Variants in SGCZ observed in about 807,000 individuals in gnomAD.
SGCZ encodes sarcoglycan zeta, also known as zeta-sarcoglycan.
In SGCZ, 40 loss-of-function variants were observed where a neutral mutation model predicts 41.3. That is an observed-to-expected ratio of 0.97 (90% CI 0.75 to 1.26). The LOEUF (loss-of-function observed/expected upper bound fraction) is 1.26. Ranked by LOEUF, SGCZ falls within the 50% of genes most tolerant of loss-of-function variation. The pLI is 0.00. For missense variants in SGCZ, 552 were observed against 369.8 expected (o/e 1.49, Z -4.04); for synonymous variants, 206 against 137.5 (o/e 1.50, Z -3.49).
At chr8:14,539,098 C>A (rs773902108) in intron 2 of SGCZ, among the ~76,000 whole-genome samples, 1 of 151,950 alleles carries the variant, frequency 6.6e-6, no homozygotes, top group Non-Finnish European at 1.5e-5. Context: ...CTCATCCAAT[C>A]AGTTAAAGAA....
chr8:14,261,091 G>A (rs1054805224), intron 3 of SGCZ, among the ~76,000 whole-genome samples: 20 of 123,116 alleles, frequency 1.6e-4, no homozygotes, highest in African/African-American at 5.1e-4. Context: ...AAAACTTCAA[G>A]TATAATAAAA....
At chr8:14,559,003 A>T (rs1264100999) in intron 1 of SGCZ, among the ~76,000 whole-genome samples, 1 of 152,134 alleles carries the variant, frequency 6.6e-6, no homozygotes, top group Non-Finnish European at 1.5e-5. Context: ...GCCATCTATG[A>T]CAAACCCTCA....
At chr8:14,098,380 C>T (rs565512810) in intron 7 of SGCZ, among the ~76,000 whole-genome samples, 3 of 152,208 alleles carry the variant, frequency 2.0e-5, no homozygotes, top group Admixed American at 6.5e-5. Context: ...CAAGGCAATA[C>T]ATTTTGGGGG....
chr8:14,167,664 A>G (rs768542451), intron 4 of SGCZ, among the ~76,000 whole-genome samples: 34 of 152,310 alleles, frequency 2.2e-4, no homozygotes, highest in Non-Finnish European at 3.5e-4. Flanking sequence ...ATATGTGCAA[A>G]TATTTTCTCT....
intron 4 of SGCZ, among the ~76,000 whole-genome samples, chr8:14,194,147 T>G (rs1475478607): frequency 3.3e-5 from 5 of 151,922 alleles, no homozygotes; most frequent in South Asian, 2.1e-4. Context: ...TAAATAATTT[T>G]TGTTTGTTAG....
intron 1 of SGCZ, among the ~76,000 whole-genome samples, chr8:15,188,082 T>A (rs533287981): frequency 5.3e-5 from 8 of 152,026 alleles, no homozygotes; most frequent in Non-Finnish European, 7.4e-5. Context: ...ATTTTAACCA[T>A]GTCTACATAA....
At chr8:14,907,610 G>C (rs1375108768) in intron 1 of SGCZ, among the ~76,000 whole-genome samples, 1 of 152,116 alleles carries the variant, frequency 6.6e-6, no homozygotes, top group African/African-American at 2.4e-5. Flanking sequence ...GGGAAGCCAA[G>C]GTAGGAGTGT....
chr8:14,377,409 A>T (rs1804171959), intron 2 of SGCZ, among the ~76,000 whole-genome samples: 1 of 152,144 alleles, frequency 6.6e-6, no homozygotes, highest in Admixed American at 6.5e-5. Context: ...TCAACTGGTA[A>T]TAGGAAGTAA....
chr8:15,211,289 A>AG (rs947307257), intron 1 of SGCZ, among the ~76,000 whole-genome samples: 15 of 151,598 alleles, frequency 9.9e-5, no homozygotes, highest in African/African-American at 3.6e-4. Flanking sequence ...GCCTAAAAAA[A>AG]AAAAGTCCTT....
At chr8:15,045,439 C>A (rs745880640) in intron 1 of SGCZ, among the ~76,000 whole-genome samples, 2 of 152,012 alleles carry the variant, frequency 1.3e-5, no homozygotes, top group Admixed American at 6.6e-5. Context: ...TATTTTTAGA[C>A]CTGAGTTAAA....
intron 1 of SGCZ, among the ~76,000 whole-genome samples, chr8:14,914,229 CGT>C (rs1491145536): frequency 1.3e-4 from 19 of 141,092 alleles, no homozygotes; most frequent in African/African-American, 4.4e-4. Flanking sequence ...AATATGTATG[CGT>C]ATATATATAT....
At chr8:14,376,014 C>G (rs112431740) in intron 2 of SGCZ, among the ~76,000 whole-genome samples, 1 of 152,036 alleles carries the variant, frequency 6.6e-6, no homozygotes, top group African/African-American at 2.4e-5. Flanking sequence ...TGATACAAAA[C>G]GTAAAACTAC....
chr8:14,313,097 G>A (rs928391104), intron 3 of SGCZ, among the ~76,000 whole-genome samples: 3 of 152,020 alleles, frequency 2.0e-5, no homozygotes, highest in African/African-American at 7.2e-5. Flanking sequence ...TAACTACTTC[G>A]AGCCAAGTTC....
At chr8:14,441,542 T>G (rs919319283) in intron 2 of SGCZ, among the ~76,000 whole-genome samples, 1 of 152,096 alleles carries the variant, frequency 6.6e-6, no homozygotes, top group Non-Finnish European at 1.5e-5. Context: ...GTCACTGCAC[T>G]CCAGCCTGGT....
At chr8:15,233,465 T>G (rs1184878051) in intron 1 of SGCZ, among the ~76,000 whole-genome samples, 1 of 152,086 alleles carries the variant, frequency 6.6e-6, no homozygotes, top group East Asian at 1.9e-4. Context: ...ATCTCTTGTT[T>G]AAATACCTAT....
At chr8:14,806,555 C>T (rs1801537325) in intron 1 of SGCZ, among the ~76,000 whole-genome samples, 1 of 152,152 alleles carries the variant, frequency 6.6e-6, no homozygotes, top group Non-Finnish European at 1.5e-5. Context: ...TCTGAATAGA[C>T]CAATAACAGA....
intron 1 of SGCZ, among the ~76,000 whole-genome samples, chr8:14,774,076 G>A (rs954682745): frequency 4.6e-5 from 7 of 152,086 alleles, no homozygotes; most frequent in South Asian, 2.1e-4. Flanking sequence ...GGTGTTTTTC[G>A]TTGAGATTAA....
chr8:14,686,688 G>C (rs1808622414), intron 1 of SGCZ, among the ~76,000 whole-genome samples: 1 of 152,046 alleles, frequency 6.6e-6, no homozygotes, highest in African/African-American at 2.4e-5. Flanking sequence ...TGAAATTGTG[G>C]ACACAAGGAT....
At chr8:15,185,578 C>G (rs1800308262) in intron 1 of SGCZ, among the ~76,000 whole-genome samples, 1 of 152,086 alleles carries the variant, frequency 6.6e-6, no homozygotes, top group Non-Finnish European at 1.5e-5. Flanking sequence ...ATGACTTCTT[C>G]AAGAAGGGCA....
Sources: gnomAD v4.1 joint callset for allele counts (sites outside exome capture counted in the v4.1 genomes callset) on GRCh38, gnomAD v4.1.1 for gene constraint, MANE v1.5 for transcripts, NCBI Gene and HGNC (gene_info 2026-07-23, HGNC 2026-07-21) for gene names.